The following GNG7 variants were observed in gnomAD, a reference collection of about 807,000 sequenced individuals.
GNG7 encodes guanine nucleotide-binding protein G(I)/G(S)/G(O) subunit gamma-7.
GNG7 carries 1 observed loss-of-function variant against 4.0 expected under a neutral mutation model. That is an observed-to-expected ratio of 0.25 (90% CI 0.09 to 1.18). GNG7 has a LOEUF of 1.18. Ranked by LOEUF, GNG7 falls within the 50% of genes most tolerant of loss-of-function variation. The pLI is 0.50. For synonymous variants in GNG7, 34 were observed against 36.9 expected (o/e 0.92, Z 0.29); for missense variants, 86 against 91.9 (o/e 0.94, Z 0.26).
chr19:2,674,213 C>T (rs1187202897), intron 1 of GNG7, among the ~76,000 whole-genome samples: 2 of 131,154 alleles, frequency 1.5e-5, no homozygotes, highest in Non-Finnish European at 3.5e-5. Context: ...TGCGGTGAGC[C>T]GAGATCACCC....
chr19:2,568,437 CAT>C (rs1980015791), intron 2 of GNG7, among the ~76,000 whole-genome samples: 1 of 118,740 alleles, frequency 8.4e-6, no homozygotes, highest in Non-Finnish European at 1.9e-5. Flanking sequence ...CATACATATA[CAT>C]ACACACATAC....
chr19:2,534,416 C>G (rs940341693), intron 3 of GNG7, among the ~76,000 whole-genome samples: 1 of 152,234 alleles, frequency 6.6e-6, no homozygotes, highest in African/African-American at 2.4e-5. Context: ...CAATTCCTTA[C>G]AAAATCAAGT....
At chr19:2,559,791 C>T (rs1979682157) in intron 2 of GNG7, among the ~76,000 whole-genome samples, 2 of 152,212 alleles carry the variant, frequency 1.3e-5, no homozygotes, top group Non-Finnish European at 2.9e-5. Context: ...GGATTACAGG[C>T]GTGAGCCACC....
intron 3 of GNG7, among the ~76,000 whole-genome samples, chr19:2,532,677 C>G (rs1198111048): frequency 6.6e-6 from 1 of 152,060 alleles, no homozygotes; most frequent in Non-Finnish European, 1.5e-5. Context: ...GAGAAATGGC[C>G]AATAAGCACA....
chr19:2,657,100 TAGG>T (rs1982995483), intron 1 of GNG7, among the ~76,000 whole-genome samples: 2 of 151,108 alleles, frequency 1.3e-5, no homozygotes, highest in African/African-American at 2.4e-5. Context: ...TTGGGAGGTC[TAGG>T]AGGACAGATT....
At chr19:2,659,263 C>A (rs1425913222) in intron 1 of GNG7, among the ~76,000 whole-genome samples, 2 of 150,100 alleles carry the variant, frequency 1.3e-5, no homozygotes, top group African/African-American at 4.9e-5. Flanking sequence ...GCCACTGCGC[C>A]TGGCCTTGAT....
At chr19:2,620,901 C>T (rs1442235990) in intron 2 of GNG7, among the ~76,000 whole-genome samples, 2 of 152,172 alleles carry the variant, frequency 1.3e-5, no homozygotes, top group Non-Finnish European at 2.9e-5. Context: ...GTTCTGTGAC[C>T]TTGGGTTTCC....
intron 1 of GNG7, among the ~76,000 whole-genome samples, chr19:2,668,909 C>G (rs1156280226): frequency 6.6e-6 from 1 of 152,090 alleles, no homozygotes; most frequent in East Asian, 1.9e-4. Flanking sequence ...CCCTCAACCG[C>G]AAATGTCCCC....
At chr19:2,588,024 C>T (rs1470444162) in intron 2 of GNG7, among the ~76,000 whole-genome samples, 1 of 152,094 alleles carries the variant, frequency 6.6e-6, no homozygotes, top group African/African-American at 2.4e-5. Flanking sequence ...AAATTCAAGC[C>T]AGGGCAACTG....
chr19:2,647,414 G>A (rs1982694826), intron 1 of GNG7, among the ~76,000 whole-genome samples: 1 of 152,136 alleles, frequency 6.6e-6, no homozygotes, highest in Non-Finnish European at 1.5e-5. Context: ...CCCACCCCAC[G>A]AGCCTTTCCC....
chr19:2,596,435 G>A lies in GNG7; in HGVS notation c.-77-41247C>T, dbSNP rs1056064709. Among the ~76,000 whole-genome samples the A allele has an allele frequency of 3.3e-5, 5 of 152,062 alleles. No homozygotes were observed. The South Asian group carries it at 1.0e-3, about 31-fold the overall frequency. ...CAATCCCAGCACTTTGAAAGGCTGA[G>A]GCAGGAAAATCACTTGAGCCCAGGA... On this transcript the variant is annotated intron_variant, in intron 2 of 4. Transcript: ENST00000382159.
At chr19:2,659,863 C>G (rs1167937297) in intron 1 of GNG7, among the ~76,000 whole-genome samples, 1 of 151,976 alleles carries the variant, frequency 6.6e-6, no homozygotes, top group Non-Finnish European at 1.5e-5. Flanking sequence ...TGACTGGATC[C>G]CCTTCCACAA....
At chr19:2,686,774 C>T (rs1456613796) in intron 1 of GNG7, among the ~76,000 whole-genome samples, 4 of 144,980 alleles carry the variant, frequency 2.8e-5, no homozygotes, top group African/African-American at 1.0e-4. Context: ...TTTTTTGAGA[C>T]AGAGTCTCGC....
intron 3 of GNG7, among the ~76,000 whole-genome samples, chr19:2,529,162 G>A (rs1256613372): frequency 6.6e-6 from 1 of 152,192 alleles, no homozygotes; most frequent in Non-Finnish European, 1.5e-5. Context: ...TCGGGATAGA[G>A]CCACAAACTG....
chr19:2,589,578 T>C (rs574995015), intron 2 of GNG7, among the ~76,000 whole-genome samples: 10 of 151,912 alleles, frequency 6.6e-5, no homozygotes, highest in Non-Finnish European at 1.3e-4. Context: ...GATCTTCCTG[T>C]GTCATTCCCA....
chr19:2,631,054 T>G (rs1260486110), intron 2 of GNG7, among the ~76,000 whole-genome samples: 1 of 152,174 alleles, frequency 6.6e-6, no homozygotes, highest in African/African-American at 2.4e-5. Context: ...TGACATTATC[T>G]GATTGTCTCA....
chr19:2,675,712 G>T (rs1165320162), intron 1 of GNG7, among the ~76,000 whole-genome samples: 1 of 152,140 alleles, frequency 6.6e-6, no homozygotes, highest in East Asian at 1.9e-4. Flanking sequence ...GAGGTCTGAG[G>T]ACATCTGTGG....
intron 1 of GNG7, among the ~76,000 whole-genome samples, chr19:2,664,244 A>G (rs1273946464): frequency 6.6e-6 from 1 of 152,176 alleles, no homozygotes; most frequent in Non-Finnish European, 1.5e-5. Context: ...ATAGAAACAC[A>G]GCCCTGTCCT....
At chr19:2,606,500 CA>C (rs1981387201) in intron 2 of GNG7, among the ~76,000 whole-genome samples, 1 of 151,776 alleles carries the variant, frequency 6.6e-6, no homozygotes, top group Non-Finnish European at 1.5e-5. Context: ...ACTAAAAATA[CA>C]AAAATTAGCT....
Sources: allele counts gnomAD v4.1 joint callset (sites outside exome capture counted in the v4.1 genomes callset), GRCh38; gene constraint gnomAD v4.1.1; transcripts MANE v1.5; gene names NCBI Gene and HGNC (gene_info 2026-07-23, HGNC 2026-07-21).